CDC37L1: variants seen among roughly 807,000 people sequenced by gnomAD.
CDC37L1 encodes the protein hsp90 co-chaperone Cdc37-like 1.
A neutral mutation model predicts 45.9 loss-of-function variants in CDC37L1; 32 were observed. That is an observed-to-expected ratio of 0.70 (90% CI 0.53 to 0.94). The LOEUF (loss-of-function observed/expected upper bound fraction) is 0.94, where lower values mean the gene tolerates loss of function less well. CDC37L1 is among the 40% of genes least tolerant of loss of function. The pLI, the probability that CDC37L1 is intolerant of heterozygous loss-of-function variation, is 0.00. For synonymous variants in CDC37L1, 150 were observed against 133.0 expected, an observed-to-expected ratio of 1.13 and a Z score of -0.88; for missense variants, 434 against 405.7, an observed-to-expected ratio of 1.07 and a Z score of -0.60.
At chr9:4,703,903 C>G (rs1398486852) in intron 6 of CDC37L1, among the ~76,000 whole-genome samples, 1 of 152,114 alleles carries the variant, frequency 6.6e-6, no homozygotes, top group Non-Finnish European at 1.5e-5. Flanking sequence ...TTTAATTAAG[C>G]TGGGCTAATC....
In CDC37L1 at chr9:4,679,900, G is replaced by C. The variant is rs1841171942; in HGVS notation, c.132+1G>C. 6.2e-7 allele frequency: 1 copy of C among 1,613,726 alleles called. No homozygotes were observed. Among genetic ancestry groups the C allele is most frequent in the African/African-American group, 1.3e-5 (1 of 75,066 alleles). On this transcript the variant is annotated splice_donor_variant, in intron 1 of 6. Coordinates refer to ENST00000381854, the MANE Select transcript of CDC37L1 (RefSeq NM_017913.4). LOFTEE classifies it high-confidence loss of function. ...GCAGCTGCCAGGCGGCGGCGCCCAG[G>C]TGAGAAGGGGCCTGCGTTCTGCGGA...
Position 4,707,329 on chromosome 9 carries a change from T to G in CDC37L1, c.*1217T>G, listed in dbSNP as rs532270418. ...TTATTGAAGGATTAATCTTATGACT[T>G]AACATAAGCTTTGGTTATATTTGGG... On this transcript the variant is annotated 3_prime_UTR_variant, in exon 7 of 7. Coordinates refer to ENST00000381854, the MANE Select transcript of CDC37L1 (RefSeq NM_017913.4). The G allele has an allele frequency of 2.5e-4, 36 of 146,178 alleles. No individual in the cohort carries two copies. Among genetic ancestry groups the G allele is most frequent in the African/African-American group, 9.5e-4 (36 of 38,008 alleles). The allele number at this position is 146,178 out of a possible 1,614,324, so 9.1% of individuals were successfully genotyped here. A position where few individuals can be genotyped will look rare whatever the true frequency, so the allele number is the denominator to read the frequency against.
chr9:4,707,159 T>G lies in CDC37L1; in HGVS notation c.*1047T>G, dbSNP rs926334256. ...TTGGTAATGATGGCATTTACAACAT[T>G]TGGCATTTCCCCTTTTTCAGCTCAG... is the stretch of plus-strand genomic sequence containing the variant. On this transcript the variant is annotated 3_prime_UTR_variant, in exon 7 of 7. Coordinates refer to ENST00000381854, the MANE Select transcript of CDC37L1 (RefSeq NM_017913.4). The G allele has an allele frequency of 2.6e-5, 4 of 152,184 alleles. No individual in the cohort carries two copies. The highest frequency in any genetic ancestry group is 9.7e-5 in the African/African-American group (4 of 41,444). The allele number at this position is 152,184 out of a possible 1,614,324, so 9.4% of individuals were successfully genotyped here.
In CDC37L1 at chr9:4,684,895, G is replaced by T; in HGVS notation, c.151G>T (p.Glu51Ter). 6.2e-7 allele frequency: 1 copy of T among 1,612,354 alleles called. No homozygotes were observed. The highest frequency in any genetic ancestry group is 1.1e-5 in the South Asian group (1 of 90,938). ...TATCCAGATGTATAGCCATGGAATT[G>T]AATTGGCTTGCCAAAAGCAGAAAGA... ...GGAQMYSHGI[E>*]LACQKQKEFV... is the part of the protein sequence containing the mutation. The change falls in exon 2 of 7, where the codon GAA becomes TAA. Residue 51 changes from glutamate (E) to a stop codon, truncating the protein, a stop_gained. Coordinates refer to ENST00000381854, the MANE Select transcript of CDC37L1 (RefSeq NM_017913.4). LOFTEE classifies it high-confidence loss of function.
chr9:4,680,073 C>A (rs1205892947), intron 1 of CDC37L1, among the ~76,000 whole-genome samples, 174 bp downstream of exon 1: 2 of 152,160 alleles, frequency 1.3e-5, no homozygotes, highest in Non-Finnish European at 2.9e-5. Flanking sequence ...ATGGCATCTT[C>A]GGAGGGCAGA....
chr9:4,695,745 C>T (rs918858651), intron 3 of CDC37L1, among the ~76,000 whole-genome samples: 2 of 152,148 alleles, frequency 1.3e-5, no homozygotes, highest in Non-Finnish European at 2.9e-5. Context: ...ATTCCTCTGG[C>T]CTCAGCCTCC....
In CDC37L1 at chr9:4,681,358, G is replaced by A. The variant is rs140506372; in HGVS notation, c.132+1459G>A. 7.3e-3 allele frequency among the ~76,000 whole-genome samples: 1,115 copies of A among 152,272 alleles called. 13 individuals carry two copies. The highest frequency in any genetic ancestry group is 0.026 in the African/African-American group (1,085 of 41,546). ...TGTTTTCCCTGAGGCCATGTAACTA[G>A]TTAGTGGCCAGGTTAAAACTAGAAC... On this transcript the variant is annotated intron_variant, in intron 1 of 6. Coordinates refer to ENST00000381854, the MANE Select transcript of CDC37L1 (RefSeq NM_017913.4).
chr9:4,688,758 T>A (rs1587617527), intron 3 of CDC37L1, 152 bp downstream of exon 3: 1 of 158,180 alleles, frequency 6.3e-6, no homozygotes. Context: ...TGTTTTAGAA[T>A]TTTTTTTTTT....
At chr9:4,694,556 G>A (rs1841329196) in intron 3 of CDC37L1, among the ~76,000 whole-genome samples, 1 of 152,042 alleles carries the variant, frequency 6.6e-6, no homozygotes, top group Admixed American at 6.6e-5. Context: ...ATTCGTCTCA[G>A]GTATTAAATA....
rs924797207 is a variant in CDC37L1 at position 4,706,698 on chromosome 9, A to T, written c.*586A>T. Reference sequence around the variant, plus strand: ...ACCATCAGTTAAATCCTTGACTATAATACAAATTTGATATATACATTACAT... The same window carrying T: ...ACCATCAGTTAAATCCTTGACTATATTACAAATTTGATATATACATTACAT... On this transcript the variant is annotated 3_prime_UTR_variant, in exon 7 of 7. Coordinates refer to ENST00000381854, the MANE Select transcript of CDC37L1 (RefSeq NM_017913.4). 6.6e-6 allele frequency: 1 copy of T among 152,576 alleles called. No homozygotes were observed. Among genetic ancestry groups the T allele is most frequent in the African/African-American group, 2.4e-5 (1 of 41,464 alleles). The allele number at this position is 152,576 out of a possible 1,614,324, so 9.5% of individuals were successfully genotyped here. A position where few individuals can be genotyped will look rare whatever the true frequency, so the allele number is the denominator to read the frequency against.
chr9:4,698,222 T>C lies in CDC37L1; in HGVS notation c.747+343T>C, dbSNP rs1377636522. On this transcript the variant is annotated intron_variant, in intron 5 of 6. Transcript: ENST00000381854. The stretch of plus-strand genomic sequence containing the variant: ...GCTCAGGATGCATTATTGAGCAAAA[T>C]AGATACAGGATTCTTCATGTGTAGA... 5.3e-5 allele frequency among the ~76,000 whole-genome samples: 8 copies of C among 151,908 alleles called. No individual in the cohort carries two copies. In the East Asian group the frequency reaches 1.4e-3, roughly 26 times the overall value.
intron 6 of CDC37L1, among the ~76,000 whole-genome samples, chr9:4,703,511 T>G (rs1225404688): frequency 3.3e-5 from 5 of 152,248 alleles, no homozygotes. Context: ...GTGATGATTT[T>G]TCTCTTCAGT....
At position 4,701,991 on chromosome 9, in the gene CDC37L1, G is replaced by C. The variant is rs1168918763; in HGVS notation, c.875G>C (p.Gly292Ala). Residue 292 changes from glycine (G) to alanine (A), a missense_variant, in exon 6 of 7, where the codon GGT becomes GCT. Transcript: ENST00000381854. Reference protein sequence around the residue: ...MTVQNHVPHSGVGSIGLLESL... With the variant: ...MTVQNHVPHSAVGSIGLLESL... ...GTTCAGAATCATGTTCCCCATTCTGGTGTTGGATCTATAGGTTTATTAGAA... is the reference window on the plus strand; with the variant it reads ...GTTCAGAATCATGTTCCCCATTCTGCTGTTGGATCTATAGGTTTATTAGAA... 2 of 1,532,328 alleles carry C rather than the reference G, an allele frequency of 1.3e-6. No individual in the cohort carries two copies. The highest frequency in any genetic ancestry group is 1.7e-6 in the Non-Finnish European group (2 of 1,143,902). The allele number at this position is 1,532,328 out of a possible 1,614,324, so 94.9% of individuals were successfully genotyped here. A position where few individuals can be genotyped will look rare whatever the true frequency, so the allele number is the denominator to read the frequency against.
intron 3 of CDC37L1, among the ~76,000 whole-genome samples, chr9:4,694,314 A>C: frequency 6.6e-6 from 1 of 152,120 alleles, no homozygotes. Context: ...TCCTGTGCTC[A>C]GGTGATTCTC....
At chr9:4,687,205 G>A (rs1841254983) in intron 2 of CDC37L1, among the ~76,000 whole-genome samples, 1 of 151,886 alleles carries the variant, frequency 6.6e-6, no homozygotes, top group African/African-American at 2.4e-5. Flanking sequence ...ATGATAACGG[G>A]GTATAAATAT....
Position 4,701,939 on chromosome 9 carries a change from C to T in CDC37L1, c.823C>T (p.Gln275Ter). The T allele has an allele frequency of 6.3e-7, 1 of 1,592,320 alleles. No homozygotes were observed. The highest frequency in any genetic ancestry group is 8.6e-7 in the Non-Finnish European group (1 of 1,169,334). ...CAAGTCAAGAGTAAGACTTTATTCTCAATCACAAAGTTTTCAACCTATGAC... is the reference window on the plus strand; with the variant it reads ...CAAGTCAAGAGTAAGACTTTATTCTTAATCACAAAGTTTTCAACCTATGAC... ...AFKSRVRLYS[Q>*]SQSFQPMTVQ... is the part of the protein sequence containing the mutation. Residue 275 changes from glutamine (Q) to a stop codon, truncating the protein, a stop_gained, in exon 6 of 7, where the codon CAA (glutamine) becomes TAA (stop). Transcript: ENST00000381854. LOFTEE classifies it high-confidence loss of function.
At chr9:4,681,103 T>A (rs181000134) in intron 1 of CDC37L1, among the ~76,000 whole-genome samples, 4 of 152,324 alleles carry the variant, frequency 2.6e-5, no homozygotes, top group Non-Finnish European at 5.9e-5. Flanking sequence ...AAATGTATTA[T>A]AAGCACATGA....
At chr9:4,685,657 TA>T (rs1445189673) in intron 2 of CDC37L1, among the ~76,000 whole-genome samples, 8 of 152,166 alleles carry the variant, frequency 5.3e-5, no homozygotes, top group Non-Finnish European at 1.2e-4. Context: ...AGAGATAAGA[TA>T]AAGAGAAGTG....
At chr9:4,701,836 T>G in intron 5 of CDC37L1, 28 bp from the exon 6 acceptor site, 1 of 1,485,860 alleles carries the variant, frequency 6.7e-7, no homozygotes, top group Non-Finnish European at 8.9e-7. Context: ...AAGAACACAG[T>G]CTTTGTTTTT....
Sources: gnomAD v4.1 joint callset for allele counts (sites outside exome capture counted in the v4.1 genomes callset) on GRCh38, gnomAD v4.1.1 for gene constraint, MANE v1.5 for transcripts, NCBI Gene and HGNC (gene_info 2026-07-23, HGNC 2026-07-21) for gene names.